SV2C: variants seen among roughly 807,000 people sequenced by gnomAD.
SV2C encodes the protein solute carrier family 22 member B3.
A neutral mutation model predicts 79.7 loss-of-function variants in SV2C; 49 were observed. That is an observed-to-expected ratio of 0.61 (90% CI 0.49 to 0.78). The LOEUF is 0.78. Among genes scored for constraint, SV2C ranks in the 30% least tolerant of loss-of-function variants. The probability of loss-of-function intolerance (pLI) is 0.00; values close to 1 mark genes in which losing one functional copy is unlikely to be tolerated. For missense variants in SV2C, 833 were observed against 912.9 expected (o/e 0.91, Z 1.13); for synonymous variants, 334 against 333.2 (o/e 1.00, Z -0.03).
At chr5:75,881,347 T>C in the SV2C span, among the ~76,000 whole-genome samples, 1 of 152,200 alleles carries the variant, frequency 6.6e-6, no homozygotes, top group Admixed American at 6.5e-5. Flanking sequence ...TACGTTAACA[T>C]ATATAAAGAC....
the SV2C span, among the ~76,000 whole-genome samples, chr5:75,993,697 T>C: frequency 6.6e-6 from 1 of 152,086 alleles, no homozygotes; most frequent in Non-Finnish European, 1.5e-5. Context: ...CCTTGTTCTC[T>C]TTCCTTCAGG....
At chr5:76,208,599 A>G (rs1744678663) in intron 3 of SV2C, among the ~76,000 whole-genome samples, 1 of 152,222 alleles carries the variant, frequency 6.6e-6, no homozygotes, top group Non-Finnish European at 1.5e-5. Flanking sequence ...TCTTTATCAT[A>G]TCAAAGGCTC....
At chr5:76,342,901 T>G (rs75297242) in intron 12 of SV2C, among the ~76,000 whole-genome samples, 1 of 151,638 alleles carries the variant, frequency 6.6e-6, no homozygotes, top group Non-Finnish European at 1.5e-5. Context: ...TTTTTTTTTT[T>G]TGATAGAGAT....
chr5:76,058,523 A>G, the SV2C span, among the ~76,000 whole-genome samples: 10 of 152,248 alleles, frequency 6.6e-5, no homozygotes, highest in African/African-American at 2.4e-4. Flanking sequence ...TGGAACTTAG[A>G]GTGAAGAGAA....
At chr5:76,297,231 T>A (rs1302615858) in intron 9 of SV2C, among the ~76,000 whole-genome samples, 4 of 152,206 alleles carry the variant, frequency 2.6e-5, no homozygotes, top group Non-Finnish European at 5.9e-5. Context: ...TTAACGAAAT[T>A]TTTTAAAAAA....
the SV2C span, among the ~76,000 whole-genome samples, chr5:76,049,027 A>AAAGAAAGAAAGAAAGAAAGAAAGAAAG: frequency 2.4e-5 from 1 of 41,068 alleles, no homozygotes; most frequent in African/African-American, 7.5e-5. Context: ...AAGAAAGAAA[A>AAAGAAAGAAAGAAAGAAAGAAAGAAAG]AGAAAAGAGG....
At chr5:76,347,557 G>A (rs1749567422) in intron 12 of SV2C, among the ~76,000 whole-genome samples, 1 of 152,104 alleles carries the variant, frequency 6.6e-6, no homozygotes, top group African/African-American at 2.4e-5. Flanking sequence ...CAATTCTGGT[G>A]CCTCAGCCTC....
chr5:75,902,074 G>A, the SV2C span, among the ~76,000 whole-genome samples: 3 of 152,160 alleles, frequency 2.0e-5, no homozygotes. Flanking sequence ...GCTTCAGCTC[G>A]TGCATGGTGT....
intron 4 of SV2C, among the ~76,000 whole-genome samples, chr5:76,233,843 A>G (rs1248549289): frequency 6.6e-6 from 1 of 151,318 alleles, no homozygotes; most frequent in Non-Finnish European, 1.5e-5. Context: ...TCGTTTTGCC[A>G]GTATTTTATT....
At chr5:76,083,077 G>A (rs1160942535), upstream of SV2C, 1 of 152,388 alleles carries the variant, frequency 6.6e-6, no homozygotes, top group African/African-American at 2.4e-5. Flanking sequence ...CAAACTCAGA[G>A]CCCTGACTTC....
At chr5:76,099,934 G>A (rs1747682658) in intron 1 of SV2C, among the ~76,000 whole-genome samples, 1 of 152,182 alleles carries the variant, frequency 6.6e-6, no homozygotes, top group Non-Finnish European at 1.5e-5. Flanking sequence ...GTGGTTAGAT[G>A]TAAATTCTGG....
intron 2 of SV2C, among the ~76,000 whole-genome samples, chr5:76,164,603 G>A (rs1742992349): frequency 1.3e-5 from 2 of 152,090 alleles, no homozygotes; most frequent in Non-Finnish European, 2.9e-5. Flanking sequence ...TAATACCAAG[G>A]CTTTTTCAAC....
the SV2C span, among the ~76,000 whole-genome samples, chr5:75,922,130 A>G: frequency 1.3e-5 from 2 of 152,158 alleles, no homozygotes; most frequent in Admixed American, 6.5e-5. Context: ...ACTAACTTCT[A>G]TATTGTCCTG....
At chr5:76,209,656 G>C (rs1211423020) in intron 3 of SV2C, 80 bp from the exon 4 acceptor site, 1 of 1,406,360 alleles carries the variant, frequency 7.1e-7, no homozygotes, top group African/African-American at 1.4e-5. Context: ...TGTTGTTAGA[G>C]TTTGCTTTGG....
chr5:76,083,165 G>C (rs1747048486), upstream of SV2C: 1 of 152,432 alleles, frequency 6.6e-6, no homozygotes, highest in Non-Finnish European at 1.5e-5. Flanking sequence ...CAGCGCCTCA[G>C]CACCGCGACT....
chr5:76,059,318 A>C, the SV2C span, among the ~76,000 whole-genome samples: 8 of 152,062 alleles, frequency 5.3e-5, no homozygotes, highest in African/African-American at 1.9e-4. Context: ...GTAGCATGCG[A>C]GGATGTTTGA....
At chr5:75,949,079 G>T in the SV2C span, among the ~76,000 whole-genome samples, 2 of 151,682 alleles carry the variant, frequency 1.3e-5, no homozygotes, top group Non-Finnish European at 2.9e-5. Flanking sequence ...CCTGAGAATC[G>T]ATCCTGTAGC....
At chr5:75,998,611 T>A in the SV2C span, among the ~76,000 whole-genome samples, 1 of 151,988 alleles carries the variant, frequency 6.6e-6, no homozygotes, top group Non-Finnish European at 1.5e-5. Flanking sequence ...TGATAGTGTG[T>A]GTGTGTATGT....
chr5:75,890,198 A>G, the SV2C span, among the ~76,000 whole-genome samples: 1 of 152,160 alleles, frequency 6.6e-6, no homozygotes, highest in Non-Finnish European at 1.5e-5. Flanking sequence ...AAATGAAGTC[A>G]GCACTCCAGG....
Sources: gnomAD v4.1 joint callset for allele counts (sites outside exome capture counted in the v4.1 genomes callset) on GRCh38, gnomAD v4.1.1 for gene constraint, MANE v1.5 for transcripts, NCBI Gene and HGNC (gene_info 2026-07-23, HGNC 2026-07-21) for gene names.